YARS2: variants seen among roughly 807,000 people sequenced by gnomAD.
YARS2 encodes tyrosine--tRNA ligase, mitochondrial.
A neutral mutation model predicts 45.0 loss-of-function variants in YARS2; 38 were observed. The ratio of observed to expected loss-of-function variants is 0.84; its 90% CI spans 0.65 to 1.11. The LOEUF (loss-of-function observed/expected upper bound fraction) is 1.11. Ranked by LOEUF, YARS2 falls within the 50% of genes least tolerant of loss-of-function variation. The probability of loss-of-function intolerance (pLI) is 0.00; values close to 1 mark genes in which losing one functional copy is unlikely to be tolerated. For synonymous variants in YARS2, 287 were observed against 245.1 expected (o/e 1.17, Z -1.60); for missense variants, 602 against 599.8 (o/e 1.00, Z -0.04).
rs1234757777 is a variant in YARS2 at position 32,755,360 on chromosome 12, T to G, written c.515A>C (p.Asp172Ala). The G allele has an allele frequency of 6.2e-7, 1 of 1,613,980 alleles. No individual in the cohort carries two copies. The highest frequency in any genetic ancestry group is 8.5e-7 in the Non-Finnish European group (1 of 1,180,040). ...CTGCTTCTGGTACCAGGCCGAGTTGTCCAGCACAGTGAAGCTGCCCCAGGA... is the reference window on the plus strand; with the variant it reads ...CTGCTTCTGGTACCAGGCCGAGTTGGCCAGCACAGTGAAGCTGCCCCAGGA... ...GRSWGSFTVL[D>A]NSAWYQKQHL... The change falls in exon 1 of 5, where the codon GAC becomes GCC. Residue 172 changes from aspartate (D) to alanine (A), a missense_variant. By Grantham distance (126) the Asp-to-Ala change is moderately radical. Transcript: ENST00000324868.
chr12:32,753,806 C>G (rs994834070), intron 2 of YARS2, 112 bp downstream of exon 2: 15 of 1,389,814 alleles, frequency 1.1e-5, no homozygotes, highest in Middle Eastern at 1.8e-4. Context: ...TATGTACAGA[C>G]AGAAACTACG....
intron 2 of YARS2, 69 bp from the exon 3 acceptor site, chr12:32,750,943 C>A (rs147512680): frequency 3.2e-6 from 5 of 1,565,854 alleles, no homozygotes; most frequent in Non-Finnish European, 4.3e-6. Flanking sequence ...CTCTTCTACC[C>A]TTTAAGGTTA....
chr12:32,755,586 C>T lies in YARS2; in HGVS notation c.289G>A (p.Gly97Ser), dbSNP rs1245416130. 20 of 1,613,950 alleles carry T rather than the reference C, an allele frequency of 1.2e-5. No homozygotes were observed. The highest frequency in any genetic ancestry group is 1.7e-5 in the Non-Finnish European group (20 of 1,179,918). Reference protein sequence around the residue: ...LHVGHLLALLGLFHLQRAGHN... With the variant: ...LHVGHLLALLSLFHLQRAGHN... ...CCCGCTCGCTGCAAATGAAACAGGC[C>T]CAGCAGCGCAAGTAGATGACCCACA... The change falls in exon 1 of 5, where the codon GGC becomes AGC. Residue 97 changes from glycine to serine, a missense_variant. Physicochemically the swap from Gly to Ser is moderately conservative, Grantham distance 56. Coordinates refer to ENST00000324868, the MANE Select transcript of YARS2 (RefSeq NM_001040436.3).
Position 32,753,983 on chromosome 12 carries a change from T to C in YARS2, c.882A>G (p.Arg294=), listed in dbSNP as rs1358576755. ...ACAATTCAAATGGAGATGTCTTATC[T>C]CTGTTTAGCCAAACAGCGTTGCCAG... The part of the protein sequence containing the change: ...KSAGNAVWLN[R]DKTSPFELYQ... Residue 294 remains arginine (R), a synonymous_variant, in exon 2 of 5, where the codon AGA becomes AGG. Coordinates refer to ENST00000324868, the MANE Select transcript of YARS2 (RefSeq NM_001040436.3). 6.2e-7 allele frequency: 1 copy of C among 1,614,212 alleles called. No homozygotes were observed. The highest frequency in any genetic ancestry group is 2.2e-5 in the East Asian group (1 of 44,890).
In YARS2 at chr12:32,755,842, C is replaced by G. The variant is rs1298892434; in HGVS notation, c.33G>C (p.Trp11Cys). The change falls in exon 1 of 5, where the codon TGG (tryptophan) becomes TGC (cysteine). Residue 11 changes from tryptophan to cysteine, a missense_variant. Coordinates refer to ENST00000324868, the MANE Select transcript of YARS2 (RefSeq NM_001040436.3). Reference sequence around the variant, plus strand: ...GATTTAGGGTACCAGACCACCGGCCCCAGGAAAAGGACCGCAAGATGGGCG... The same window carrying G: ...GATTTAGGGTACCAGACCACCGGCCGCAGGAAAAGGACCGCAAGATGGGCG... MAAPILRSFSWGRWSGTLNLS... is the reference protein window; with the variant it reads MAAPILRSFSCGRWSGTLNLS... 2.5e-6 allele frequency: 4 copies of G among 1,613,192 alleles called. No individual in the cohort carries two copies. The African/African-American group carries it at 4.0e-5, about 16-fold the overall frequency.
intron 3 of YARS2, 104 bp from the exon 4 acceptor site, chr12:32,750,211 T>C: frequency 2.2e-6 from 3 of 1,388,432 alleles, no homozygotes; most frequent in Non-Finnish European, 3.0e-6. Flanking sequence ...AGACTAAAAG[T>C]TTTTTTTTGA....
At chr12:32,749,107 T>C (rs1955692311) in intron 4 of YARS2, among the ~76,000 whole-genome samples, 1 of 152,382 alleles carries the variant, frequency 6.6e-6, no homozygotes, top group African/African-American at 2.4e-5. Flanking sequence ...AATAGTCTTA[T>C]GACGTTAGTA....
intron 2 of YARS2, among the ~76,000 whole-genome samples, chr12:32,752,367 G>C (rs961548352): frequency 2.0e-5 from 3 of 152,066 alleles, no homozygotes; most frequent in Non-Finnish European, 4.4e-5. Context: ...TAGTGAGTTT[G>C]GCAGAGTTGC....
intron 2 of YARS2, 72 bp downstream of exon 2, chr12:32,753,846 T>C: frequency 6.3e-7 from 1 of 1,586,532 alleles, no homozygotes; most frequent in Non-Finnish European, 8.6e-7. Flanking sequence ...AAAATGTACA[T>C]AGATTCAATG....
chr12:32,754,447 A>G (rs1955806215), intron 1 of YARS2, among the ~76,000 whole-genome samples: 1 of 152,244 alleles, frequency 6.6e-6, no homozygotes, highest in Admixed American at 6.5e-5. Context: ...CACATGAGCT[A>G]GCCCTATCCT....
At chr12:32,753,042 C>G (rs889258441) in intron 2 of YARS2, among the ~76,000 whole-genome samples, 4 of 151,804 alleles carry the variant, frequency 2.6e-5, no homozygotes, top group African/African-American at 9.7e-5. Flanking sequence ...TGGCCGGGTG[C>G]GGGGGCTCAT....
Position 32,755,222 on chromosome 12 carries a change from T to C in YARS2, c.653A>G (p.Glu218Gly), listed in dbSNP as rs1955825077. 1.2e-6 allele frequency: 2 copies of C among 1,614,146 alleles called. No individual in the cohort carries two copies. Among genetic ancestry groups the C allele is most frequent in the South Asian group, 2.2e-5 (2 of 91,086 alleles). ...GGCCTGGAGCACCTGGTAAAAGAACTCGGCCAAGCTCATGCCCTCGGGGCT... is the reference window on the plus strand; with the variant it reads ...GGCCTGGAGCACCTGGTAAAAGAACCCGGCCAAGCTCATGCCCTCGGGGCT... ...LKSPEGMSLA[E>G]FFYQVLQAYD... is the part of the protein sequence containing the mutation. The change falls in exon 1 of 5, where the codon GAG becomes GGG. Residue 218 changes from glutamate to glycine, a missense_variant. Transcript: ENST00000324868.
chr12:32,754,149 A>G lies in YARS2; in HGVS notation c.780-64T>C, dbSNP rs1206121865. The G allele has an allele frequency of 3.8e-6, 6 of 1,595,834 alleles. No homozygotes were observed. The East Asian group carries it at 1.3e-4, about 36-fold the overall frequency. On this transcript the variant is annotated intron_variant, in intron 1 of 4. Coordinates refer to ENST00000324868, the MANE Select transcript of YARS2 (RefSeq NM_001040436.3). ...CAAGTGGTGGTAGGTTCTACTGTTC[A>G]CCTTCCAGATTTCTTTCTGGTTACT...
intron 2 of YARS2, among the ~76,000 whole-genome samples, chr12:32,751,097 C>T (rs1955735821): frequency 1.4e-5 from 2 of 146,054 alleles, no homozygotes; most frequent in Non-Finnish European, 3.0e-5. Context: ...AGATGGGGGT[C>T]TTGCTGTTGC....
Position 32,747,020 on chromosome 12 carries a change from C to A in YARS2, c.*184G>T. 1.7e-6 allele frequency: 1 copy of A among 589,902 alleles called. No individual in the cohort carries two copies. Among genetic ancestry groups the A allele is most frequent in the Non-Finnish European group, 2.9e-6 (1 of 339,338 alleles). 36.5% of individuals were successfully genotyped at this position (589,902 alleles called of 1,614,324 possible). A position where few individuals can be genotyped will look rare whatever the true frequency, so the allele number is the denominator to read the frequency against. On this transcript the variant is annotated 3_prime_UTR_variant, in exon 5 of 5. Coordinates refer to ENST00000324868, the MANE Select transcript of YARS2 (RefSeq NM_001040436.3). Reference sequence around the variant, plus strand: ...CTTTGTACATCAGAAAATAAAACATCCCATTATTAAACAAATATTTATTAA... The same window carrying A: ...CTTTGTACATCAGAAAATAAAACATACCATTATTAAACAAATATTTATTAA...
In YARS2 at chr12:32,750,105, C is replaced by G. The variant is rs1365700579; in HGVS notation, c.1106G>C (p.Cys369Ser). 5.0e-6 allele frequency: 8 copies of G among 1,613,878 alleles called. No homozygotes were observed. The Admixed American group carries it at 1.3e-4, about 27-fold the overall frequency. ...GCTACTGTGATAAAGGGCTTGTGTA[C>G]ACCTGAAAAACACATTTTAAGAGCT... ...GREGLDSAKR[C>S]TQALYHSSID... is the part of the protein sequence containing the mutation. The change falls in exon 4 of 5, where the codon TGT becomes TCT. Residue 369 changes from cysteine (C) to serine (S), a missense_variant and splice_region_variant. Transcript: ENST00000324868.
chr12:32,755,387 C>G lies in YARS2; in HGVS notation c.488G>C (p.Arg163Pro), dbSNP rs1253070934. The G allele has an allele frequency of 3.7e-6, 6 of 1,613,918 alleles. No individual in the cohort carries two copies. The highest frequency in any genetic ancestry group is 3.3e-4 in the Middle Eastern group (2 of 6,060). ...ANHQQLFTDGRSWGSFTVLDN... is the reference protein window; with the variant it reads ...ANHQQLFTDGPSWGSFTVLDN... ...CAGCACAGTGAAGCTGCCCCAGGAG[C>G]GCCCATCAGTGAAAAGCTGCTGGTG... The change falls in exon 1 of 5, where the codon CGC (arginine) becomes CCC (proline). Residue 163 changes from arginine to proline, a missense_variant. Physicochemically the swap from Arg to Pro is moderately radical, Grantham distance 103. Transcript: ENST00000324868.
chr12:32,750,727 A>G lies in YARS2; in HGVS notation c.1095T>C (p.Ser365=), dbSNP rs932680333. 1 of 1,613,880 alleles carries G rather than the reference A, an allele frequency of 6.2e-7. No homozygotes were observed. ...TCATACTAAACTACTACCTTTTAGC[A>G]GAATCCAATCCTTCTCGTCCATGAA... ...KLVHGREGLD[S]AKRCTQALYH... The change falls in exon 3 of 5, where the codon TCT becomes TCC. Residue 365 remains serine (S), a synonymous_variant. Coordinates refer to ENST00000324868, the MANE Select transcript of YARS2 (RefSeq NM_001040436.3).
rs1233167156 is a variant in YARS2, at chr12:32,755,252, A to C, written c.623T>G (p.Leu208Arg). 1.9e-6 allele frequency: 3 copies of C among 1,614,114 alleles called. No homozygotes were observed. The highest frequency in any genetic ancestry group is 2.5e-6 in the Non-Finnish European group (3 of 1,180,036). The change falls in exon 1 of 5, where the codon CTC (leucine) becomes CGC (arginine). Residue 208 changes from leucine to arginine, a missense_variant. Transcript: ENST00000324868. ...CAAGCTCATGCCCTCGGGGCTCTTG[A>C]GCCGCAGCTGCACGCTCTGCCGGCT... is the stretch of plus-strand genomic sequence containing the variant. ...LLSRQSVQLR[L>R]KSPEGMSLAE...
Sources: gnomAD v4.1 joint callset for allele counts (sites outside exome capture counted in the v4.1 genomes callset) on GRCh38, gnomAD v4.1.1 for gene constraint, MANE v1.5 for transcripts, NCBI Gene and HGNC (gene_info 2026-07-23, HGNC 2026-07-21) for gene names.